The following MYRIP variants were observed in gnomAD, a reference collection of about 807,000 sequenced individuals.
The protein encoded by MYRIP is rab effector MyRIP.
In MYRIP, 49 loss-of-function variants were observed where a neutral mutation model predicts 98.0. The ratio of observed to expected loss-of-function variants is 0.50; its 90% CI spans 0.40 to 0.63. The LOEUF (loss-of-function observed/expected upper bound fraction) is 0.63. Among genes scored for constraint, MYRIP ranks in the 30% least tolerant of loss-of-function variants. The pLI is 0.00. For missense variants in MYRIP, 1,004 were observed against 1,058.2 expected (o/e 0.95, Z 0.71); for synonymous variants, 404 against 409.5 (o/e 0.99, Z 0.16).
chr3:39,902,264 A>T (rs796834485), intron 2 of MYRIP, among the ~76,000 whole-genome samples: 5 of 152,352 alleles, frequency 3.3e-5, no homozygotes, highest in African/African-American at 1.2e-4. Flanking sequence ...GCAACTAGGA[A>T]TCAAGTGGGA....
intron 2 of MYRIP, among the ~76,000 whole-genome samples, chr3:40,001,869 G>T (rs1946526472): frequency 6.6e-6 from 1 of 152,176 alleles, no homozygotes; most frequent in Admixed American, 6.5e-5. Context: ...GATATTTCAG[G>T]ATAGATTCAA....
intron 1 of MYRIP, among the ~76,000 whole-genome samples, chr3:39,825,487 GT>G (rs1359437449): frequency 6.6e-6 from 1 of 152,076 alleles, no homozygotes; most frequent in Non-Finnish European, 1.5e-5. Flanking sequence ...CTGTTGATGT[GT>G]TGCATTTATT....
At chr3:40,111,827 GGT>G (rs1189402595) in intron 3 of MYRIP, among the ~76,000 whole-genome samples, 1 of 152,190 alleles carries the variant, frequency 6.6e-6, no homozygotes, top group Non-Finnish European at 1.5e-5. Flanking sequence ...AAGGCAAGCA[GGT>G]GGTGTTTATT....
chr3:40,233,178 C>T (rs1440099480), intron 11 of MYRIP: 1 of 152,184 alleles, frequency 6.6e-6, no homozygotes, highest in Non-Finnish European at 1.5e-5. Flanking sequence ...TGTGGACTCA[C>T]TAGTCAAGAT....
intron 3 of MYRIP, among the ~76,000 whole-genome samples, chr3:40,126,395 C>A (rs1168788422): frequency 6.6e-6 from 1 of 152,152 alleles, no homozygotes; most frequent in Non-Finnish European, 1.5e-5. Context: ...ACATTTCCAG[C>A]CAAGTCTGTT....
chr3:39,973,819 G>C (rs1193463838), intron 2 of MYRIP, among the ~76,000 whole-genome samples: 1 of 152,156 alleles, frequency 6.6e-6, no homozygotes, highest in Non-Finnish European at 1.5e-5. Flanking sequence ...ATAACGAAAT[G>C]AAGGCAGAAA....
chr3:39,883,646 A>T (rs1177812573), intron 1 of MYRIP, among the ~76,000 whole-genome samples: 1 of 152,066 alleles, frequency 6.6e-6, no homozygotes, highest in Non-Finnish European at 1.5e-5. Flanking sequence ...AGTTGAAATT[A>T]TATAAAAAAA....
chr3:39,851,450 T>C (rs1161683295), intron 1 of MYRIP, among the ~76,000 whole-genome samples: 1 of 151,782 alleles, frequency 6.6e-6, no homozygotes. Flanking sequence ...ACACTCCTGC[T>C]AATTCTAGCC....
chr3:39,863,642 T>C (rs1942533031), intron 1 of MYRIP, among the ~76,000 whole-genome samples: 1 of 152,168 alleles, frequency 6.6e-6, no homozygotes, highest in South Asian at 2.1e-4. Context: ...AACAGATCAA[T>C]ATGAGTTCTT....
chr3:39,861,553 T>C (rs1440139567), intron 1 of MYRIP, among the ~76,000 whole-genome samples: 1 of 152,078 alleles, frequency 6.6e-6, no homozygotes, highest in Non-Finnish European at 1.5e-5. Context: ...GATATCAAGA[T>C]TCAGGAGAAA....
At chr3:40,223,778 A>T (rs1952408423) in intron 11 of MYRIP, among the ~76,000 whole-genome samples, 1 of 152,220 alleles carries the variant, frequency 6.6e-6, no homozygotes, top group East Asian at 1.9e-4. Flanking sequence ...TATGGATAAG[A>T]GAAAAAAGCT....
chr3:40,130,889 C>T (rs528990905), intron 3 of MYRIP, among the ~76,000 whole-genome samples: 2 of 152,108 alleles, frequency 1.3e-5, no homozygotes, highest in Non-Finnish European at 2.9e-5. Context: ...ATATGACCAT[C>T]ACAACCCACT....
At chr3:39,990,663 C>CTTG (rs1470397945) in intron 2 of MYRIP, among the ~76,000 whole-genome samples, 1 of 152,174 alleles carries the variant, frequency 6.6e-6, no homozygotes, top group Non-Finnish European at 1.5e-5. Context: ...TTCACAGTGT[C>CTTG]TTGTTATTCA....
intron 1 of MYRIP, among the ~76,000 whole-genome samples, chr3:39,862,654 T>C (rs567634225): frequency 6.6e-6 from 1 of 152,166 alleles, no homozygotes; most frequent in South Asian, 2.1e-4. Flanking sequence ...AGCAAGTTCT[T>C]AGAGACCTAC....
At chr3:39,888,613 G>A (rs532238560) in intron 1 of MYRIP, among the ~76,000 whole-genome samples, 5 of 152,192 alleles carry the variant, frequency 3.3e-5, no homozygotes, top group South Asian at 2.1e-4. Flanking sequence ...CAGGACATAC[G>A]CATGAGCAAG....
chr3:39,904,355 C>T (rs970157036), intron 2 of MYRIP, among the ~76,000 whole-genome samples: 2 of 152,112 alleles, frequency 1.3e-5, no homozygotes, highest in African/African-American at 4.8e-5. Context: ...CCTGCCTCGA[C>T]CTCTTGAGTA....
chr3:40,038,449 C>T (rs1456688842), intron 2 of MYRIP, among the ~76,000 whole-genome samples: 3 of 151,860 alleles, frequency 2.0e-5, no homozygotes, highest in Non-Finnish European at 4.4e-5. Flanking sequence ...TGTAGACAAC[C>T]GTCAACCTAA....
intron 3 of MYRIP, among the ~76,000 whole-genome samples, chr3:40,139,539 A>G (rs1949850732): frequency 6.6e-6 from 1 of 152,176 alleles, no homozygotes; most frequent in Non-Finnish European, 1.5e-5. Flanking sequence ...TTTATTTAGC[A>G]TAATGTTTTT....
chr3:40,084,136 C>CAAAAAAA (rs753167019), intron 3 of MYRIP, among the ~76,000 whole-genome samples: 3 of 55,074 alleles, frequency 5.4e-5, no homozygotes, highest in African/African-American at 2.4e-4. Context: ...GACTCCATCT[C>CAAAAAAA]AAAAAAAAAA....
Sources: gnomAD v4.1 joint callset for allele counts (sites outside exome capture counted in the v4.1 genomes callset) on GRCh38, gnomAD v4.1.1 for gene constraint, MANE v1.5 for transcripts, NCBI Gene and HGNC (gene_info 2026-07-23, HGNC 2026-07-21) for gene names.